The following METTL17 variants were observed in gnomAD, a reference collection of about 807,000 sequenced individuals.
The protein encoded by METTL17 is ribosome assembly protein METTL17, mitochondrial.
METTL17 carries 49 observed loss-of-function variants against 59.4 expected under a neutral mutation model. That is an observed-to-expected ratio of 0.82 (90% CI 0.66 to 1.05). METTL17 has a LOEUF of 1.05. Among genes scored for constraint, METTL17 ranks in the 50% least tolerant of loss-of-function variants. METTL17 has a pLI of 0.00. For missense variants in METTL17, 555 were observed against 578.4 expected, an observed-to-expected ratio of 0.96 and a Z score of 0.41; for synonymous variants, 208 against 209.2, an observed-to-expected ratio of 0.99 and a Z score of 0.05.
chr14:20,994,022 G>A lies in METTL17; in HGVS notation c.656G>A (p.Arg219Lys), dbSNP rs373340733. The change falls in exon 7 of 14, where the codon AGA (arginine) becomes AAA (lysine). Residue 219 changes from arginine (R) to lysine (K), a missense_variant. Arg to Lys is a conservative substitution (Grantham distance 26). Coordinates refer to ENST00000339374, the MANE Select transcript of METTL17 (RefSeq NM_022734.3). Reference protein sequence around the residue: ...QSLREYMCVDRSAAMLVLAEK... With the variant: ...QSLREYMCVDKSAAMLVLAEK... ...CTACGTGAATATATGTGTGTGGACAGATCAGCTGCCATGTTGGTTTTGGCA... is the reference window on the plus strand; with the variant it reads ...CTACGTGAATATATGTGTGTGGACAAATCAGCTGCCATGTTGGTTTTGGCA... 16 of 1,613,832 alleles carry A rather than the reference G, an allele frequency of 9.9e-6. No individual in the cohort carries two copies. In the African/African-American group the frequency reaches 2.1e-4, roughly 22 times the overall value.
In METTL17 at chr14:20,990,312, C is replaced by A. The variant is rs1217147907; in HGVS notation, c.158C>A (p.Pro53His). The A allele has an allele frequency of 7.4e-6, 12 of 1,614,154 alleles. No homozygotes were observed. The highest frequency in any genetic ancestry group is 9.3e-6 in the Non-Finnish European group (11 of 1,180,056). The change falls in exon 2 of 14, where the codon CCT becomes CAT. Residue 53 changes from proline to histidine, a missense_variant. Coordinates refer to ENST00000339374, the MANE Select transcript of METTL17 (RefSeq NM_022734.3). ...CAGAAGAGGCCTCATCGCCAGCACC[C>A]TGGCATCCTAAAGCTGCCGCACGTG... is the stretch of plus-strand genomic sequence containing the variant. ...FLQKRPHRQH[P>H]GILKLPHVRL...
At chr14:20,992,680 A>G in intron 5 of METTL17, 58 bp downstream of exon 5, 1 of 1,350,068 alleles carries the variant, frequency 7.4e-7, no homozygotes, top group South Asian at 1.2e-5. Flanking sequence ...CTATTCATAA[A>G]GTAGTTTTCT....
At chr14:20,993,591 C>T (rs1880164108) in intron 6 of METTL17, 3 of 223,958 alleles carry the variant, frequency 1.3e-5, no homozygotes, top group East Asian at 1.2e-4. Context: ...TCTCCTGCCT[C>T]ACCCTCCCGA....
chr14:20,990,956 C>T (rs1268245455), intron 3 of METTL17, among the ~76,000 whole-genome samples: 1 of 151,978 alleles, frequency 6.6e-6, no homozygotes, highest in African/African-American at 2.4e-5. Context: ...TCAGCCTCTT[C>T]AGTAGCTGGG....
At position 20,995,898 on chromosome 14, in the gene METTL17, C is replaced by G; in HGVS notation, c.946-3C>G. 1 of 1,613,844 alleles carries G rather than the reference C, an allele frequency of 6.2e-7. No individual in the cohort carries two copies. Among genetic ancestry groups the G allele is most frequent in the Non-Finnish European group, 8.5e-7 (1 of 1,179,764 alleles). On this transcript the variant is annotated splice_polypyrimidine_tract_variant and splice_region_variant and intron_variant, in intron 10 of 13. Coordinates refer to ENST00000339374, the MANE Select transcript of METTL17 (RefSeq NM_022734.3). The stretch of plus-strand genomic sequence containing the variant: ...TTATTTCTTTTATTTCCTTTGATTT[C>G]AGGGAAAAGAGAAGTCACCTTTGGA...
chr14:20,992,093 T>G (rs1566431509), intron 3 of METTL17, 31 bp from the exon 4 acceptor site: 1 of 1,608,564 alleles, frequency 6.2e-7, no homozygotes, highest in Non-Finnish European at 8.5e-7. Context: ...TCTCCCTAGG[T>G]CCTGACTTCC....
At chr14:20,992,743 T>C (rs2741738) in intron 5 of METTL17, 121 bp downstream of exon 5, 247,133 of 738,850 alleles carry the variant, frequency 0.33, 42,154 homozygotes, top group Middle Eastern at 0.41. Flanking sequence ...AAAGAGGATC[T>C]CCGCTGGACA....
chr14:20,996,818 G>C lies in METTL17; in HGVS notation c.1299G>C (p.Trp433Cys). The C allele has an allele frequency of 6.2e-7, 1 of 1,614,080 alleles. No individual in the cohort carries two copies. Among genetic ancestry groups the C allele is most frequent in the Admixed American group, 1.7e-5 (1 of 60,020 alleles). Residue 433 changes from tryptophan to cysteine, a missense_variant, in exon 14 of 14, where the codon TGG becomes TGC. Physicochemically the swap from Trp to Cys is radical, Grantham distance 215 (BLOSUM62 -2). Transcript: ENST00000339374. ...ATCGTTGTGCCCGTGTCAGCTCCTG[G>C]GGAGATCTTTTACCTGTGCTTACTC... ...DLYRCARVSS[W>C]GDLLPVLTPS...
At chr14:20,993,371 T>TA in intron 6 of METTL17, 180 bp downstream of exon 6, 1 of 491,850 alleles carries the variant, frequency 2.0e-6, no homozygotes, top group South Asian at 4.1e-5. Context: ...GGCCAGAACT[T>TA]AAAAGAAATG....
chr14:20,993,945 T>C, intron 6 of METTL17, 24 bp from the exon 7 acceptor site: 1 of 1,586,658 alleles, frequency 6.3e-7, no homozygotes, highest in Non-Finnish European at 8.6e-7. Context: ...GAATTGGTGA[T>C]TTATAATAAT....
intron 10 of METTL17, among the ~76,000 whole-genome samples, chr14:20,995,682 A>G (rs2138741513): frequency 6.6e-6 from 1 of 152,208 alleles, no homozygotes; most frequent in East Asian, 1.9e-4. Context: ...GACAAGGGAG[A>G]GCACCGTACT....
At position 20,996,699 on chromosome 14, in the gene METTL17, G is replaced by A. The variant is rs139452603; in HGVS notation, c.1253G>A (p.Arg418His). The A allele has an allele frequency of 1.8e-3, 2,887 of 1,614,230 alleles. 3 individuals are homozygous for A. The highest frequency in any genetic ancestry group is 2.2e-3 in the Non-Finnish European group (2,583 of 1,180,046). ...GHMQHAVLTA[R>H]RHGRDLYRCA... is the part of the protein sequence containing the mutation. ...ATGCAGCATGCTGTGCTCACAGCCC[G>A]CCGGCACGGCAGGTATGGGGGGTGT... The change falls in exon 13 of 14, where the codon CGC (arginine) becomes CAC (histidine). Residue 418 changes from arginine to histidine, a missense_variant. Coordinates refer to ENST00000339374, the MANE Select transcript of METTL17 (RefSeq NM_022734.3).
In METTL17 at chr14:20,993,175, A is replaced by G. The variant is rs769182446; in HGVS notation, c.586A>G (p.Thr196Ala). Residue 196 changes from threonine to alanine, a missense_variant, in exon 6 of 14, where the codon ACT becomes GCT. Physicochemically the swap from Thr to Ala is moderately conservative, Grantham distance 58. Transcript: ENST00000339374. Reference sequence around the variant, plus strand: ...AACTTTGATGGACTTTGGCTCAGGTACTGGTTCTGTCACCTGGTGAGTAAC... The same window carrying G: ...AACTTTGATGGACTTTGGCTCAGGTGCTGGTTCTGTCACCTGGTGAGTAAC... ...PQTLMDFGSG[T>A]GSVTWAAHSI... 19 of 1,614,092 alleles carry G rather than the reference A, an allele frequency of 1.2e-5. No individual in the cohort carries two copies. The highest frequency in any genetic ancestry group is 1.7e-5 in the Admixed American group (1 of 60,020).
rs550671084 is a variant in METTL17 at position 20,990,162 on chromosome 14, CCCG to C, written c.76-65_76-63del. On this transcript the variant is annotated intron_variant, in intron 1 of 13. Transcript: ENST00000339374. ...CAGAGGAGGAGCGCTCCTGGCAGCCCCCGCCCTAGCGATTGCCAGCAACTTTCC... is the reference window on the plus strand; with the variant it reads ...CAGAGGAGGAGCGCTCCTGGCAGCCCCCCTAGCGATTGCCAGCAACTTTCC... 589 of 748,530 alleles carry C rather than the reference CCCG, an allele frequency of 7.9e-4. 4 individuals are homozygous for C. The Admixed American group carries it at 0.02, about 26-fold the overall frequency. 46.4% of individuals were successfully genotyped at this position (748,530 alleles called of 1,614,324 possible).
At chr14:20,995,816 G>T in intron 10 of METTL17, 85 bp from the exon 11 acceptor site, 1 of 1,046,866 alleles carries the variant, frequency 9.6e-7, no homozygotes, top group Non-Finnish European at 1.5e-6. Flanking sequence ...TGTTAAAGGA[G>T]TCCTCAGTTT....
intron 3 of METTL17, among the ~76,000 whole-genome samples, chr14:20,991,408 C>T (rs989526246): frequency 6.6e-6 from 1 of 152,074 alleles, no homozygotes; most frequent in Non-Finnish European, 1.5e-5. Flanking sequence ...CTGAACTGAA[C>T]AGTCATGAGA....
chr14:20,992,108 C>G lies in METTL17; in HGVS notation c.365-16C>G, dbSNP rs769364433. 8 of 1,612,140 alleles carry G rather than the reference C, an allele frequency of 5.0e-6. No individual in the cohort carries two copies. Among genetic ancestry groups the G allele is most frequent in the Non-Finnish European group, 6.8e-6 (8 of 1,179,154 alleles). On this transcript the variant is annotated splice_polypyrimidine_tract_variant and intron_variant, in intron 3 of 13. Transcript: ENST00000339374. ...TCTCCCTAGGTCCTGACTTCCAGTC[C>G]TTGTTCTCACCACAGACTTATCTCA... is the stretch of plus-strand genomic sequence containing the variant.
chr14:20,994,150 G>A, intron 7 of METTL17, 87 bp downstream of exon 7: 1 of 952,782 alleles, frequency 1.0e-6, no homozygotes, highest in Non-Finnish European at 1.7e-6. Flanking sequence ...GTAGAGAAGA[G>A]GGTAAAAATT....
intron 6 of METTL17, chr14:20,993,665 G>A (rs528969055): frequency 1.3e-5 from 3 of 226,346 alleles, no homozygotes; most frequent in East Asian, 2.3e-4. Context: ...AGTAGAGACG[G>A]GGTTTCACCA....
Sources: allele counts gnomAD v4.1 joint callset (sites outside exome capture counted in the v4.1 genomes callset), GRCh38; gene constraint gnomAD v4.1.1; transcripts MANE v1.5; gene names NCBI Gene and HGNC (gene_info 2026-07-23, HGNC 2026-07-21).